The following NCKAP5 variants were observed in gnomAD, a reference collection of about 807,000 sequenced individuals.
The protein encoded by NCKAP5 is NCK associated protein 5.
Under a neutral mutation model 167.0 loss-of-function variants are expected in NCKAP5, and 92 were observed. The ratio of observed to expected loss-of-function variants is 0.55; its 90% CI spans 0.47 to 0.66. The LOEUF (loss-of-function observed/expected upper bound fraction) is 0.66, where lower values mean the gene tolerates loss of function less well. Among genes scored for constraint, NCKAP5 ranks in the 30% least tolerant of loss-of-function variants. The pLI is 0.00. For missense variants in NCKAP5, 2,378 were observed against 2,315.0 expected, an observed-to-expected ratio of 1.03 and a Z score of -0.56; for synonymous variants, 891 against 877.4, an observed-to-expected ratio of 1.02 and a Z score of -0.27.
intron 3 of NCKAP5, among the ~76,000 whole-genome samples, chr2:133,406,780 C>T (rs1202590232): frequency 6.6e-6 from 1 of 152,156 alleles, no homozygotes; most frequent in Non-Finnish European, 1.5e-5. Context: ...TCTATACTGT[C>T]CCATTCCCAG....
chr2:132,704,165 G>A (rs1688135865), intron 19 of NCKAP5, among the ~76,000 whole-genome samples: 1 of 152,168 alleles, frequency 6.6e-6, no homozygotes, highest in Non-Finnish European at 1.5e-5. Flanking sequence ...CCTTGGGGAA[G>A]TGGCTTTCTT....
At chr2:133,054,520 C>A (rs749439978) in intron 6 of NCKAP5, among the ~76,000 whole-genome samples, 14 of 152,138 alleles carry the variant, frequency 9.2e-5, no homozygotes, top group Non-Finnish European at 2.1e-4. Flanking sequence ...ACCGTGTGAG[C>A]ACTTGGTTTG....
chr2:133,202,757 G>A (rs1226384338), intron 5 of NCKAP5, among the ~76,000 whole-genome samples: 1 of 152,130 alleles, frequency 6.6e-6, no homozygotes, highest in Non-Finnish European at 1.5e-5. Context: ...CTCAAAAGAA[G>A]ACATTTATGC....
intron 11 of NCKAP5, among the ~76,000 whole-genome samples, chr2:132,821,096 T>C (rs1341087644): frequency 6.6e-6 from 1 of 152,176 alleles, no homozygotes; most frequent in African/African-American, 2.4e-5. Flanking sequence ...CCATGATCTT[T>C]TGCTCCAAGA....
At chr2:132,677,708 G>C (rs576620825) in intron 19 of NCKAP5, among the ~76,000 whole-genome samples, 191 of 152,134 alleles carry the variant, frequency 1.3e-3, no homozygotes, top group African/African-American at 4.5e-3. Flanking sequence ...TTCTGTAGTA[G>C]ACAATCACTA....
At chr2:133,249,476 A>T (rs1430450290) in intron 4 of NCKAP5, among the ~76,000 whole-genome samples, 1 of 152,198 alleles carries the variant, frequency 6.6e-6, no homozygotes, top group Non-Finnish European at 1.5e-5. Flanking sequence ...GAACTATGAG[A>T]TAATACATTT....
rs376623264 is a variant in NCKAP5 at position 132,759,734 on chromosome 2, TA to T, written c.5128+14081del. Among the ~76,000 whole-genome samples, 73 of 152,256 alleles carry T rather than the reference TA, an allele frequency of 4.8e-4. No homozygotes were observed. In the East Asian group the frequency reaches 9.4e-3, roughly 20 times the overall value. On this transcript the variant is annotated intron_variant, in intron 16 of 19. Transcript: ENST00000409261. ...TTCCTGTGTTGATGTTTAGATTTAT[TA>T]TATCTAAACAGCTATATAGCTGCTT...
rs59666849 is a variant in NCKAP5 at position 133,312,481 on chromosome 2, C to T, written c.70-9371G>A. 3.5e-3 allele frequency among the ~76,000 whole-genome samples: 531 copies of T among 152,276 alleles called. 9 individuals are homozygous for T. Among genetic ancestry groups the T allele is most frequent in the African/African-American group, 0.012 (501 of 41,556 alleles). On this transcript the variant is annotated intron_variant, in intron 3 of 19. Coordinates refer to ENST00000409261, the MANE Select transcript of NCKAP5 (RefSeq NM_207363.3). Reference sequence around the variant, plus strand: ...TCTCCTGTGCTTCTTGGGGTGAACACGTGCCTGAGTTCAAGCCAAAGAGAG... The same window carrying T: ...TCTCCTGTGCTTCTTGGGGTGAACATGTGCCTGAGTTCAAGCCAAAGAGAG...
intron 6 of NCKAP5, among the ~76,000 whole-genome samples, chr2:133,025,168 T>G (rs567282486): frequency 3.8e-4 from 58 of 152,288 alleles, no homozygotes; most frequent in African/African-American, 1.3e-3. Context: ...CTACTATCTT[T>G]TGTGGTTGAA....
the NCKAP5 span, among the ~76,000 whole-genome samples, chr2:133,639,262 C>T: frequency 6.6e-6 from 1 of 152,056 alleles, no homozygotes; most frequent in Non-Finnish European, 1.5e-5. Flanking sequence ...AAATGGCAAC[C>T]CCAATAAATT....
intron 5 of NCKAP5, among the ~76,000 whole-genome samples, chr2:133,202,193 G>A (rs528726919): frequency 2.0e-5 from 3 of 152,180 alleles, no homozygotes; most frequent in Admixed American, 6.5e-5. Context: ...CAGAGATATA[G>A]ACCAATGGAA....
chr2:133,452,460 C>T lies in NCKAP5; in HGVS notation c.69+64998G>A, dbSNP rs558587364. Among the ~76,000 whole-genome samples the T allele has an allele frequency of 1.9e-3, 292 of 152,260 alleles. 1 individual carries two copies. The highest frequency in any genetic ancestry group is 6.8e-3 in the African/African-American group (284 of 41,566). ...ACATGCTATAAATTTAGACCTATGG[C>T]TGATAATATGTAATGGAGAAATTGT... On this transcript the variant is annotated intron_variant, in intron 3 of 19. Coordinates refer to ENST00000409261, the MANE Select transcript of NCKAP5 (RefSeq NM_207363.3).
intron 6 of NCKAP5, among the ~76,000 whole-genome samples, chr2:133,072,081 C>CTTTTTTTT (rs56234235): frequency 6.9e-6 from 1 of 145,046 alleles, no homozygotes; most frequent in African/African-American, 2.5e-5. Context: ...TTTATCCAGG[C>CTTTTTTTT]TTTTTTTTTT....
At chr2:133,286,269 T>G (rs1413379643) in intron 4 of NCKAP5, among the ~76,000 whole-genome samples, 1 of 152,178 alleles carries the variant, frequency 6.6e-6, no homozygotes, top group African/African-American at 2.4e-5. Context: ...GTGCTGGGAT[T>G]ACAGGCGTGA....
At chr2:133,304,420 G>A (rs974266781) in intron 3 of NCKAP5, among the ~76,000 whole-genome samples, 22 of 152,292 alleles carry the variant, frequency 1.4e-4, no homozygotes, top group African/African-American at 5.3e-4. Flanking sequence ...TAGCTAAGAA[G>A]TTTTATGCTT....
At chr2:133,411,431 G>A (rs1261469674) in intron 3 of NCKAP5, among the ~76,000 whole-genome samples, 2 of 152,224 alleles carry the variant, frequency 1.3e-5, no homozygotes, top group South Asian at 2.1e-4. Context: ...AGGACTCAGT[G>A]GAAGCTGTGT....
intron 1 of NCKAP5, among the ~76,000 whole-genome samples, chr2:133,563,810 C>G (rs1048463327): frequency 6.6e-5 from 10 of 151,968 alleles, no homozygotes; most frequent in Admixed American, 2.6e-4. Flanking sequence ...GCCTCCATAT[C>G]CAGAAAGCGG....
chr2:133,208,120 C>T (rs1353217010), intron 5 of NCKAP5, among the ~76,000 whole-genome samples: 1 of 152,166 alleles, frequency 6.6e-6, no homozygotes, highest in Non-Finnish European at 1.5e-5. Flanking sequence ...AGGCAGATCA[C>T]TTGAGCCCAG....
At chr2:133,517,633 T>C (rs1684115809) in intron 2 of NCKAP5, 46 bp from the exon 3 acceptor site, 1 of 604,670 alleles carries the variant, frequency 1.7e-6, no homozygotes, top group Admixed American at 3.9e-5. Context: ...ACACAGTGTT[T>C]AGACCTTTGT....
Sources: allele counts gnomAD v4.1 joint callset (sites outside exome capture counted in the v4.1 genomes callset), GRCh38; gene constraint gnomAD v4.1.1; transcripts MANE v1.5; gene names NCBI Gene and HGNC (gene_info 2026-07-23, HGNC 2026-07-21).